Variants in KCNT1 observed in about 807,000 individuals in gnomAD.
KCNT1 encodes potassium channel subfamily T member 1.
Under a neutral mutation model 147.8 loss-of-function variants are expected in KCNT1, and 78 were observed. That is an observed-to-expected ratio of 0.53 (90% confidence interval 0.44 to 0.64). The LOEUF is 0.64. KCNT1 is among the 30% of genes least tolerant of loss of function. The pLI is 0.00. For synonymous variants in KCNT1, 867 were observed against 748.8 expected, an observed-to-expected ratio of 1.16 and a Z score of -2.58; for missense variants, 1,419 against 1,750.3, an observed-to-expected ratio of 0.81 and a Z score of 3.38.
intron 20 of KCNT1, 26 bp downstream of exon 20, chr9:135,775,441 C>T (rs1833095723): frequency 6.4e-7 from 1 of 1,568,634 alleles, no homozygotes; most frequent in Non-Finnish European, 8.7e-7. Context: ...CTGCCGCGCT[C>T]TGCACCCCCA....
intron 29 of KCNT1, among the ~76,000 whole-genome samples, chr9:135,788,494 T>G (rs7857550): frequency 0.58 from 88,585 of 152,144 alleles, 26,268 homozygotes; most frequent in African/African-American, 0.69. Context: ...AGCTCTGATG[T>G]GACCGGTGGG....
intron 11 of KCNT1, among the ~76,000 whole-genome samples, chr9:135,763,560 G>C (rs1190780091): frequency 2.0e-5 from 3 of 152,138 alleles, no homozygotes; most frequent in Non-Finnish European, 2.9e-5. Context: ...CTTTGGGGGA[G>C]ATTGTCCCAT....
At chr9:135,776,783 T>G (rs1833203133) in intron 20 of KCNT1, among the ~76,000 whole-genome samples, 1 of 152,158 alleles carries the variant, frequency 6.6e-6, no homozygotes, top group African/African-American at 2.4e-5. Flanking sequence ...GTTCACTGGG[T>G]GGGGTGGGGG....
chr9:135,735,995 C>T (rs991816387), intron 2 of KCNT1, among the ~76,000 whole-genome samples: 2 of 152,232 alleles, frequency 1.3e-5, no homozygotes, highest in Non-Finnish European at 2.9e-5. Context: ...GCATCTGGGG[C>T]AGACCAGCGC....
intron 27 of KCNT1, among the ~76,000 whole-genome samples, 189 bp downstream of exon 27, chr9:135,785,078 C>T (rs112718069): frequency 1.4e-4 from 22 of 152,318 alleles, no homozygotes; most frequent in South Asian, 4.1e-4. Context: ...CCGTCTGGTC[C>T]GTGTGCCCAC....
At chr9:135,779,136 G>A (rs1479606775) in intron 23 of KCNT1, among the ~76,000 whole-genome samples, 3 of 129,062 alleles carry the variant, frequency 2.3e-5, no homozygotes, top group African/African-American at 9.0e-5. Flanking sequence ...TCCACCCTGA[G>A]AGTCCCACAG....
rs150114243 is a variant in KCNT1 at position 135,751,585 on chromosome 9, G to A, written c.434+544G>A. On this transcript the variant is annotated intron_variant, in intron 4 of 30. Coordinates refer to ENST00000371757, the MANE Select transcript of KCNT1 (RefSeq NM_020822.3). The stretch of plus-strand genomic sequence containing the variant: ...CCAGCCTCGCAGCAGCCGCGATGAG[G>A]GTGGGTGGGAACTTGCTCTCTCTGA... Among the ~76,000 whole-genome samples the A allele has an allele frequency of 1.5e-4, 23 of 152,284 alleles. No homozygotes were observed. In the East Asian group the frequency reaches 3.7e-3, roughly 24 times the overall value.
intron 1 of KCNT1, among the ~76,000 whole-genome samples, chr9:135,703,787 T>C (rs957876648): frequency 5.5e-4 from 84 of 152,302 alleles, no homozygotes; most frequent in African/African-American, 2.0e-3. Context: ...GGCAGGACAG[T>C]GTCCTCAGGG....
At chr9:135,779,293 G>T in intron 23 of KCNT1, 66 bp from the exon 24 acceptor site, 1 of 866,954 alleles carries the variant, frequency 1.2e-6, no homozygotes, top group Non-Finnish European at 1.8e-6. Context: ...ACATGATCAT[G>T]GGCCCCCACC....
chr9:135,791,767 G>C, intron 29 of KCNT1, 30 bp from the exon 30 acceptor site: 1 of 1,601,660 alleles, frequency 6.2e-7, no homozygotes, highest in Non-Finnish European at 8.6e-7. Context: ...GGCTGGGGGG[G>C]TGACGTCTGC....
intron 2 of KCNT1, among the ~76,000 whole-genome samples, chr9:135,725,159 G>A (rs1043091003): frequency 6.6e-6 from 1 of 151,860 alleles, no homozygotes; most frequent in Non-Finnish European, 1.5e-5. Context: ...CCTCAGAAGG[G>A]CGGGGCCTGT....
At chr9:135,744,685 G>A (rs371917453) in intron 2 of KCNT1, among the ~76,000 whole-genome samples, 6 of 152,234 alleles carry the variant, frequency 3.9e-5, no homozygotes, top group Admixed American at 2.0e-4. Flanking sequence ...CAAGTTGTTC[G>A]CCATGGGCCA....
intron 10 of KCNT1, 70 bp from the exon 11 acceptor site, chr9:135,759,609 A>G: frequency 6.7e-7 from 1 of 1,499,630 alleles, no homozygotes; most frequent in East Asian, 2.3e-5. Context: ...GTGGGCAGGC[A>G]GGATCTCTGA....
At chr9:135,749,621 C>T (rs979202351) in intron 2 of KCNT1, among the ~76,000 whole-genome samples, 2 of 152,230 alleles carry the variant, frequency 1.3e-5, no homozygotes, top group African/African-American at 4.8e-5. Flanking sequence ...CAGCCACCAG[C>T]GGCCTCCAGA....
intron 23 of KCNT1, among the ~76,000 whole-genome samples, 169 bp downstream of exon 23, chr9:135,778,991 G>A (rs1458877085): frequency 7.6e-5 from 10 of 131,804 alleles, no homozygotes; most frequent in Admixed American, 3.3e-4. Context: ...ACGGGCCCTC[G>A]CCCTGAGACC....
chr9:135,754,673 G>T (rs1042922205), intron 5 of KCNT1, among the ~76,000 whole-genome samples: 2 of 152,226 alleles, frequency 1.3e-5, no homozygotes, highest in Non-Finnish European at 2.9e-5. Flanking sequence ...GGGGGCTGTG[G>T]GTTAGATAGC....
intron 24 of KCNT1, among the ~76,000 whole-genome samples, chr9:135,782,804 A>C (rs915567718): frequency 3.3e-5 from 5 of 152,210 alleles, no homozygotes; most frequent in African/African-American, 1.2e-4. Context: ...TCTGGATGCA[A>C]ATCACCACGA....
In KCNT1 at chr9:135,775,390, C is replaced by G; in HGVS notation, c.2324C>G (p.Pro775Arg). 1 of 1,610,810 alleles carries G rather than the reference C, an allele frequency of 6.2e-7. No individual in the cohort carries two copies. Among genetic ancestry groups the G allele is most frequent in the Non-Finnish European group, 8.5e-7 (1 of 1,178,406 alleles). ...TGCCACCTCCTGCCTGTGAAAGCCC[C>G]CTTCTGCTGCCTGCGGCTGGACAAG... is the stretch of plus-strand genomic sequence containing the variant. Reference protein sequence around the residue: ...TLCHLLPVKAPFCCLRLDKGC... With the variant: ...TLCHLLPVKARFCCLRLDKGC... The change falls in exon 20 of 31, where the codon CCC becomes CGC. Residue 775 changes from proline to arginine, a missense_variant. Physicochemically the swap from Pro to Arg is moderately radical, Grantham distance 103 (BLOSUM62 -2). Around this residue, in one of 5 missense-constraint regions of KCNT1, gnomAD observed 247 missense variants for 397.1 expected, o/e 0.62. Transcript: ENST00000371757.
rs544655444 is a variant in KCNT1 at position 135,715,479 on chromosome 9, G to A, written c.254+759G>A. Among the ~76,000 whole-genome samples, 4 of 150,940 alleles carry A rather than the reference G, an allele frequency of 2.7e-5. No individual in the cohort carries two copies. In the East Asian group the frequency reaches 7.9e-4, roughly 30 times the overall value. Reference sequence around the variant, plus strand: ...ACTCACGCGGAGCTGGAGCCCGCGGGGGCTTCAGGTCAGGAACCGCTCCTC... The same window carrying A: ...ACTCACGCGGAGCTGGAGCCCGCGGAGGCTTCAGGTCAGGAACCGCTCCTC... On this transcript the variant is annotated intron_variant, in intron 2 of 30. Transcript: ENST00000371757.
Sources: gnomAD v4.1 joint callset for allele counts (sites outside exome capture counted in the v4.1 genomes callset) on GRCh38, gnomAD v4.1.1 for gene constraint, gnomAD v4.1.1 regional missense constraint, MANE v1.5 for transcripts, NCBI Gene and HGNC (gene_info 2026-07-23, HGNC 2026-07-21) for gene names.